The following PDE4D variants were observed in gnomAD, a reference collection of about 807,000 sequenced individuals.
PDE4D encodes the protein phosphodiesterase 4D.
A neutral mutation model predicts 87.4 loss-of-function variants in PDE4D; 24 were observed. The ratio of observed to expected loss-of-function variants is 0.27; its 90% CI spans 0.20 to 0.39. The LOEUF (loss-of-function observed/expected upper bound fraction) is 0.39. Ranked by LOEUF, PDE4D falls within the 10% of genes least tolerant of loss-of-function variation. PDE4D has a pLI of 1.00. For missense variants in PDE4D, 714 were observed against 1,041.0 expected, an observed-to-expected ratio of 0.69 and a Z score of 4.32; for synonymous variants, 384 against 383.2, an observed-to-expected ratio of 1.00 and a Z score of -0.02.
chr5:59,751,503 T>C (rs1760452571), intron 1 of PDE4D, among the ~76,000 whole-genome samples: 1 of 152,026 alleles, frequency 6.6e-6, no homozygotes, highest in Non-Finnish European at 1.5e-5. Context: ...AAAATGTCAC[T>C]TCCTGTTATG....
chr5:59,320,159 T>C (rs1774455693), intron 1 of PDE4D, among the ~76,000 whole-genome samples: 1 of 151,966 alleles, frequency 6.6e-6, no homozygotes, highest in African/African-American at 2.4e-5. Context: ...GCAAAAAGTG[T>C]GTGTGTGTGC....
At chr5:59,591,431 A>G (rs954293319) in intron 1 of PDE4D, among the ~76,000 whole-genome samples, 1 of 152,162 alleles carries the variant, frequency 6.6e-6, no homozygotes, top group African/African-American at 2.4e-5. Flanking sequence ...GTGATGAGTT[A>G]CTTCATTGAT....
chr5:59,488,992 A>C (rs1344176617), intron 1 of PDE4D, among the ~76,000 whole-genome samples: 1 of 152,102 alleles, frequency 6.6e-6, no homozygotes, highest in African/African-American at 2.4e-5. Flanking sequence ...TTTTAATATT[A>C]ATAAGGATTG....
intron 1 of PDE4D, among the ~76,000 whole-genome samples, chr5:60,473,042 C>T (rs1027491686): frequency 7.1e-6 from 1 of 140,600 alleles, no homozygotes; most frequent in African/African-American, 2.7e-5. Flanking sequence ...GACAGACAGA[C>T]AGAAGGAAGG....
chr5:59,288,245 G>C (rs1224207963), intron 1 of PDE4D, among the ~76,000 whole-genome samples: 1 of 151,984 alleles, frequency 6.6e-6, no homozygotes, highest in East Asian at 2.0e-4. Context: ...ATTCAACAAA[G>C]AGATTAAAAT....
chr5:58,989,604 C>T (rs1243038801), intron 10 of PDE4D, 151 bp downstream of exon 10: 1 of 523,684 alleles, frequency 1.9e-6, no homozygotes, highest in Non-Finnish European at 3.3e-6. Context: ...ACTTGATTGT[C>T]TATTAACTAT....
intron 1 of PDE4D, among the ~76,000 whole-genome samples, chr5:59,439,141 T>C (rs1034977274): frequency 2.6e-5 from 4 of 152,094 alleles, no homozygotes; most frequent in Non-Finnish European, 5.9e-5. Flanking sequence ...GGTGGATTAC[T>C]TGAGGTCAGG....
chr5:59,710,802 A>G (rs957617856), intron 1 of PDE4D, among the ~76,000 whole-genome samples: 2 of 152,162 alleles, frequency 1.3e-5, no homozygotes, highest in African/African-American at 4.8e-5. Flanking sequence ...CCTAATTTCA[A>G]TTATGTTATA....
intron 2 of PDE4D, among the ~76,000 whole-genome samples, chr5:60,039,029 C>T (rs1466023558): frequency 4.0e-5 from 6 of 150,940 alleles, no homozygotes; most frequent in Admixed American, 1.3e-4. Flanking sequence ...GTCAGTGTGG[C>T]GATTCCTCAG....
intron 2 of PDE4D, chr5:60,127,547 A>G: frequency 2.2e-6 from 1 of 454,074 alleles, no homozygotes; most frequent in Non-Finnish European, 3.9e-6. Flanking sequence ...CATAACTGGA[A>G]GGTGAAATCG....
At chr5:59,675,880 C>T (rs973293434) in intron 1 of PDE4D, among the ~76,000 whole-genome samples, 1 of 151,960 alleles carries the variant, frequency 6.6e-6, no homozygotes, top group South Asian at 2.1e-4. Flanking sequence ...TCAGTAGAGA[C>T]AGGGTCTCAC....
intron 1 of PDE4D, among the ~76,000 whole-genome samples, chr5:59,520,908 C>G (rs567624038): frequency 2.0e-5 from 3 of 149,622 alleles, no homozygotes; most frequent in Non-Finnish European, 3.0e-5. Context: ...CACATATATA[C>G]ACGTTGTGTG....
chr5:60,441,254 G>T (rs1190172300), intron 1 of PDE4D, among the ~76,000 whole-genome samples: 1 of 152,024 alleles, frequency 6.6e-6, no homozygotes, highest in Non-Finnish European at 1.5e-5. Flanking sequence ...TAGACCAATG[G>T]AACAGAACAG....
chr5:60,188,962 T>C (rs1463226506), intron 1 of PDE4D, among the ~76,000 whole-genome samples: 7 of 152,158 alleles, frequency 4.6e-5, no homozygotes, highest in Admixed American at 4.6e-4. Context: ...TAAAGAATGT[T>C]TGATGAAAAG....
intron 1 of PDE4D, among the ~76,000 whole-genome samples, chr5:59,334,223 A>T (rs1777234234): frequency 6.7e-6 from 1 of 149,112 alleles, no homozygotes; most frequent in Admixed American, 6.7e-5. Context: ...AGGGGAAAAA[A>T]GTTGGAAGAG....
chr5:59,582,841 C>T (rs993480812), intron 1 of PDE4D, among the ~76,000 whole-genome samples: 6 of 152,164 alleles, frequency 3.9e-5, no homozygotes, highest in African/African-American at 1.4e-4. Flanking sequence ...ATCACAAAGA[C>T]AGTTTAAAAC....
intron 1 of PDE4D, among the ~76,000 whole-genome samples, chr5:59,776,775 C>T (rs1156619100): frequency 1.3e-5 from 2 of 151,606 alleles, no homozygotes. Flanking sequence ...ACCTTTTAGA[C>T]AATTTCAGAG....
At chr5:59,066,771 G>A (rs934419015) in intron 5 of PDE4D, among the ~76,000 whole-genome samples, 1 of 152,036 alleles carries the variant, frequency 6.6e-6, no homozygotes, top group Admixed American at 6.6e-5. Flanking sequence ...GGTCATGAGA[G>A]CACAGCCCTT....
intron 1 of PDE4D, among the ~76,000 whole-genome samples, chr5:59,406,686 C>A (rs1160257304): frequency 6.6e-6 from 1 of 152,182 alleles, no homozygotes; most frequent in African/African-American, 2.4e-5. Context: ...TTGTGCCCAG[C>A]AACATCTCCC....
Sources: gnomAD v4.1 joint callset for allele counts (sites outside exome capture counted in the v4.1 genomes callset) on GRCh38, gnomAD v4.1.1 for gene constraint, MANE v1.5 for transcripts, NCBI Gene and HGNC (gene_info 2026-07-23, HGNC 2026-07-21) for gene names.